Variants in FBXL18 observed in about 807,000 individuals in gnomAD.
FBXL18 encodes the protein F-box/LRR-repeat protein 18.
Under a neutral mutation model 46.0 loss-of-function variants are expected in FBXL18, and 36 were observed. The observed-to-expected ratio is 0.78, with a 90% CI of 0.60 to 1.03. The LOEUF is 1.03. Among genes scored for constraint, FBXL18 ranks in the 50% least tolerant of loss-of-function variants. The pLI is 0.00. For synonymous variants in FBXL18, 557 were observed against 465.3 expected (o/e 1.20, Z -2.54); for missense variants, 977 against 1,004.1 (o/e 0.97, Z 0.36).
downstream of FBXL18, among the ~76,000 whole-genome samples, chr7:5,473,309 AGCAGCCCTGGAGCCCACCCTCTGCCG>A (rs1408295840): frequency 1.3e-5 from 2 of 152,192 alleles, no homozygotes; most frequent in African/African-American, 2.4e-5. Flanking sequence ...TCCGTTCTGC[AGCAGCCCTGGAGCCCACCCTCTGCCG>A]GCAGCCCTGT....
chr7:5,513,586 C>T, intron 1 of FBXL18, 71 bp downstream of exon 1: 3 of 1,560,100 alleles, frequency 1.9e-6, no homozygotes, highest in South Asian at 1.1e-5. Context: ...GAACCCGGGT[C>T]GGGATGGAAG....
chr7:5,513,078 A>T (rs1784581712), intron 1 of FBXL18, among the ~76,000 whole-genome samples: 1 of 152,154 alleles, frequency 6.6e-6, no homozygotes, highest in African/African-American at 2.4e-5. Flanking sequence ...CTGCAGAGAC[A>T]ATACTTTGCA....
chr7:5,463,563 G>T (rs917296713), intron 4 of FBXL18, among the ~76,000 whole-genome samples: 1 of 151,424 alleles, frequency 6.6e-6, no homozygotes, highest in East Asian at 1.9e-4. Flanking sequence ...AGGCTGTAGT[G>T]AACCACGATT....
rs1251481188 is a variant in FBXL18, at chr7:5,500,756, C to A, written c.1513G>T (p.Ala505Ser). 6.2e-7 allele frequency: 1 copy of A among 1,612,386 alleles called. No individual in the cohort carries two copies. Among genetic ancestry groups the A allele is most frequent in the Non-Finnish European group, 8.5e-7 (1 of 1,179,698 alleles). ...CAGGGTGGGAGCGAGTTGCGGATGGCGGGCTCGTTGCGGGGCATGGCGGAG... is the reference window on the plus strand; with the variant it reads ...CAGGGTGGGAGCGAGTTGCGGATGGAGGGCTCGTTGCGGGGCATGGCGGAG... ...FSSAMPRNEP[A>S]IRNSLPPCSR... Residue 505 changes from alanine (A) to serine (S), a missense_variant, in exon 3 of 5, where the codon GCC (alanine) becomes TCC (serine). By Grantham distance (99) the Ala-to-Ser change is moderately conservative. Coordinates refer to ENST00000382368, the MANE Select transcript of FBXL18 (RefSeq NM_024963.6).
intron 1 of FBXL18, among the ~76,000 whole-genome samples, chr7:5,509,436 G>A (rs1168855663): frequency 2.0e-5 from 3 of 152,004 alleles, no homozygotes; most frequent in East Asian, 3.9e-4. Context: ...GCTCACGCCC[G>A]TAATCCCCAG....
intron 4 of FBXL18, among the ~76,000 whole-genome samples, chr7:5,460,908 AT>A (rs1562670660): frequency 6.6e-6 from 1 of 151,980 alleles, no homozygotes; most frequent in Non-Finnish European, 1.5e-5. Context: ...CCCTCACCAT[AT>A]TTTTTTGTTT....
chr7:5,500,314 C>G (rs1273242615), intron 3 of FBXL18, among the ~76,000 whole-genome samples, 174 bp downstream of exon 3: 1 of 152,122 alleles, frequency 6.6e-6, no homozygotes, highest in Non-Finnish European at 1.5e-5. Flanking sequence ...GCACCCCCAG[C>G]TCCTCTAGAT....
chr7:5,466,130 T>A (rs1783337417), intron 4 of FBXL18, among the ~76,000 whole-genome samples: 1 of 150,420 alleles, frequency 6.6e-6, no homozygotes, highest in Admixed American at 6.6e-5. Flanking sequence ...CCTGAATCTA[T>A]TTTTAAAAAA....
intron 3 of FBXL18, among the ~76,000 whole-genome samples, 171 bp from the exon 4 acceptor site, chr7:5,491,620 G>A (rs753234464): frequency 6.6e-6 from 1 of 152,198 alleles, no homozygotes; most frequent in Non-Finnish European, 1.5e-5. Flanking sequence ...TGCCGACTCA[G>A]GCCCCCAGGG....
chr7:5,463,004 T>TATATATATATATATAC (rs1221961422), intron 4 of FBXL18, among the ~76,000 whole-genome samples: 17 of 83,898 alleles, frequency 2.0e-4, no homozygotes, highest in Non-Finnish European at 3.8e-4. Context: ...ATAATATATA[T>TATATATATATATATAC]ACACACACAC....
Position 5,501,324 on chromosome 7 carries a change from G to A in FBXL18, c.945C>T (p.Asn315=). Residue 315 remains asparagine (N), a synonymous_variant, in exon 3 of 5, where the codon AAC becomes AAT. Coordinates refer to ENST00000382368, the MANE Select transcript of FBXL18 (RefSeq NM_024963.6). ...SSLLQHMKFN[N]PFYFSFSRCT... is the part of the protein sequence containing the mutation. ...AGCGGCTGAAACTGAAGTAGAACGG[G>A]TTGTTGAATTTCATGTGCTGCAGGA... 1.2e-6 allele frequency: 2 copies of A among 1,614,222 alleles called. No homozygotes were observed. The highest frequency in any genetic ancestry group is 4.5e-5 in the East Asian group (2 of 44,892).
At chr7:5,502,106 C>G (rs1380776188) in intron 2 of FBXL18, 75 bp from the exon 3 acceptor site, 5 of 1,017,542 alleles carry the variant, frequency 4.9e-6, no homozygotes, top group African/African-American at 4.8e-5. Flanking sequence ...CCTCAGTGCG[C>G]ACACTCCCCC....
chr7:5,497,649 G>A (rs901021342), intron 3 of FBXL18, among the ~76,000 whole-genome samples: 5 of 152,148 alleles, frequency 3.3e-5, no homozygotes, highest in African/African-American at 4.8e-5. Flanking sequence ...TGCCTTCTGC[G>A]GGAGAGGGGA....
At chr7:5,506,553 CT>C (rs111764029) in intron 1 of FBXL18, among the ~76,000 whole-genome samples, 160 of 138,832 alleles carry the variant, frequency 1.2e-3, no homozygotes, top group Non-Finnish European at 1.7e-3. Context: ...CCATGCCCGG[CT>C]TTTTTTTTTT....
intron 4 of FBXL18, among the ~76,000 whole-genome samples, 166 bp from the exon 5 acceptor site, chr7:5,482,097 G>T (rs1260225156): frequency 6.6e-6 from 1 of 152,208 alleles, no homozygotes; most frequent in Non-Finnish European, 1.5e-5. Flanking sequence ...TGCCTCAAGG[G>T]CCCTGTACGT....
At chr7:5,458,219 C>T (rs896026669) in intron 4 of FBXL18, among the ~76,000 whole-genome samples, 1 of 152,030 alleles carries the variant, frequency 6.6e-6, no homozygotes, top group Admixed American at 6.6e-5. Flanking sequence ...GGCAGGGAGA[C>T]GGGTCCACAC....
At chr7:5,504,064 CCTGGAGGCCT>C (rs970882295) in intron 2 of FBXL18, among the ~76,000 whole-genome samples, 8 of 151,462 alleles carry the variant, frequency 5.3e-5, no homozygotes, top group African/African-American at 1.9e-4. Flanking sequence ...GGAGAGGAGG[CCTGGAGGCCT>C]GATACCAGCG....
chr7:5,468,075 C>T (rs1019982331), intron 4 of FBXL18, among the ~76,000 whole-genome samples: 3 of 151,914 alleles, frequency 2.0e-5, no homozygotes, highest in Non-Finnish European at 2.9e-5. Flanking sequence ...CTCTGCCTCC[C>T]GGGTTCAAGC....
intron 4 of FBXL18, 71 bp downstream of exon 4, chr7:5,491,160 C>T: frequency 7.1e-7 from 1 of 1,399,856 alleles, no homozygotes; most frequent in Non-Finnish European, 9.9e-7. Context: ...TCGGTGAAGG[C>T]TGGGGACCAG....
Sources: allele counts gnomAD v4.1 joint callset (sites outside exome capture counted in the v4.1 genomes callset), GRCh38; gene constraint gnomAD v4.1.1; transcripts MANE v1.5; gene names NCBI Gene and HGNC (gene_info 2026-07-23, HGNC 2026-07-21).